FARP1: variants seen among roughly 807,000 people sequenced by gnomAD.
FARP1 encodes FERM, ARH/RhoGEF and pleckstrin domain protein 1.
A neutral mutation model predicts 128.8 loss-of-function variants in FARP1; 52 were observed. The ratio of observed to expected loss-of-function variants is 0.40; its 90% CI spans 0.32 to 0.51. The LOEUF (loss-of-function observed/expected upper bound fraction) is 0.51, where lower values mean the gene tolerates loss of function less well. Among genes scored for constraint, FARP1 ranks in the 20% least tolerant of loss-of-function variants. The pLI, the probability that FARP1 is intolerant of heterozygous loss-of-function variation, is 0.45. For synonymous variants in FARP1, 580 were observed against 551.8 expected (o/e 1.05, Z -0.72); for missense variants, 1,333 against 1,367.9 (o/e 0.97, Z 0.40).
chr13:98,433,206 AG>A (rs1369500330), intron 18 of FARP1: 1 of 152,258 alleles, frequency 6.6e-6, no homozygotes, highest in African/African-American at 2.4e-5. Context: ...ACCTAAGAGC[AG>A]AGGCCGAACA....
chr13:98,334,521 G>A (rs1242414490), intron 2 of FARP1, among the ~76,000 whole-genome samples: 3 of 152,114 alleles, frequency 2.0e-5, no homozygotes, highest in Non-Finnish European at 2.9e-5. Flanking sequence ...TATGGTCATG[G>A]TTTCATTGAA....
At chr13:98,429,263 A>AG (rs1653453980) in intron 17 of FARP1, among the ~76,000 whole-genome samples, 1 of 152,170 alleles carries the variant, frequency 6.6e-6, no homozygotes, top group African/African-American at 2.4e-5. Context: ...GGTCCTCAGC[A>AG]GGGGTCACTG....
intron 1 of FARP1, among the ~76,000 whole-genome samples, chr13:98,161,173 C>G (rs531387974): frequency 4.0e-5 from 6 of 151,148 alleles, no homozygotes; most frequent in Non-Finnish European, 5.9e-5. Context: ...ATTATACATA[C>G]GTTTTGTGAA....
intron 3 of FARP1, among the ~76,000 whole-genome samples, chr13:98,347,269 G>T (rs1465058632): frequency 6.6e-6 from 1 of 151,772 alleles, no homozygotes; most frequent in East Asian, 1.9e-4. Flanking sequence ...TTTAATTGTG[G>T]TCAAAAACAA....
chr13:98,310,287 A>G (rs1405462905), intron 2 of FARP1, among the ~76,000 whole-genome samples: 1 of 152,032 alleles, frequency 6.6e-6, no homozygotes, highest in African/African-American at 2.4e-5. Flanking sequence ...CCTTTGGTGG[A>G]GTTTCCTAAA....
intron 13 of FARP1, chr13:98,405,279 A>G (rs1182238211): frequency 6.6e-6 from 1 of 152,244 alleles, no homozygotes; most frequent in African/African-American, 2.4e-5. Context: ...CGTGTTTTAA[A>G]TTACAAAGAG....
chr13:98,225,784 T>C (rs986129007), intron 2 of FARP1, among the ~76,000 whole-genome samples: 2 of 152,224 alleles, frequency 1.3e-5, no homozygotes, highest in South Asian at 2.1e-4. Context: ...TCCAAACTTA[T>C]TTTTGCCCTC....
chr13:98,391,242 A>C (rs1413866946), intron 11 of FARP1, among the ~76,000 whole-genome samples: 1 of 152,214 alleles, frequency 6.6e-6, no homozygotes, highest in East Asian at 1.9e-4. Context: ...GTCTATGAAC[A>C]TTTTAATTAA....
At chr13:98,159,477 T>G (rs1876721739) in intron 1 of FARP1, 1 of 151,622 alleles carries the variant, frequency 6.6e-6, no homozygotes, top group Non-Finnish European at 1.5e-5. Flanking sequence ...TTGTGATTTT[T>G]TTTTTTTTTT....
chr13:98,204,959 G>A (rs544472331), intron 1 of FARP1, among the ~76,000 whole-genome samples: 39 of 150,894 alleles, frequency 2.6e-4, no homozygotes, highest in Non-Finnish European at 5.2e-4. Context: ...AAAAAAAATA[G>A]CAAAACAATT....
rs1435676526 is a variant in FARP1, at chr13:98,421,250, T to G, written c.1827-3322T>G. Among the ~76,000 whole-genome samples the G allele has an allele frequency of 2.0e-5, 3 of 152,186 alleles. No homozygotes were observed. In the East Asian group the frequency reaches 5.8e-4, roughly 29 times the overall value. ...TTCTTTTGACTTTGAAGCTTTAACA[T>G]CAGTAGATAATAAATAGTTGGCAAA... On this transcript the variant is annotated intron_variant, in intron 16 of 26. Transcript: ENST00000319562.
Position 98,396,402 on chromosome 13 carries a change from C to G in FARP1, c.1414+926C>G, listed in dbSNP as rs183622008. 313 of 399,326 alleles carry G rather than the reference C, an allele frequency of 7.8e-4. 1 individual carries two copies. Among genetic ancestry groups the G allele is most frequent in the African/African-American group, 5.9e-3 (290 of 48,778 alleles). 24.7% of individuals were successfully genotyped at this position (399,326 alleles called of 1,614,324 possible). Reference sequence around the variant, plus strand: ...ACCCCGCAGTGCTGCGTTCCCCGTCCCTGCTGAGAAGCCGGGGGTCCTTGG... The same window carrying G: ...ACCCCGCAGTGCTGCGTTCCCCGTCGCTGCTGAGAAGCCGGGGGTCCTTGG... On this transcript the variant is annotated intron_variant, in intron 13 of 26. Transcript: ENST00000319562.
chr13:98,162,897 G>C (rs1876984371), intron 1 of FARP1, among the ~76,000 whole-genome samples: 1 of 152,186 alleles, frequency 6.6e-6, no homozygotes, highest in South Asian at 2.1e-4. Flanking sequence ...TTCAACCGTT[G>C]TGGAAAGCAG....
rs892917840 is a variant in FARP1 at position 98,454,748 on chromosome 13, G to A, written c.*6431G>A. On this transcript the variant is annotated 3_prime_UTR_variant, in exon 27 of 27. Transcript: ENST00000319562. ...GGCCACCGTGGTTTTGGCAGCCATCGGGGTGAACGCTCAGTGGGAGCTTCA... is the reference window on the plus strand; with the variant it reads ...GGCCACCGTGGTTTTGGCAGCCATCAGGGTGAACGCTCAGTGGGAGCTTCA... 1 of 152,206 alleles carries A rather than the reference G, an allele frequency of 6.6e-6. No individual in the cohort carries two copies. Among genetic ancestry groups the A allele is most frequent in the Non-Finnish European group, 1.5e-5 (1 of 68,068 alleles). The allele number at this position is 152,206 out of a possible 1,614,324, so 9.4% of individuals were successfully genotyped here.
intron 12 of FARP1, among the ~76,000 whole-genome samples, chr13:98,394,134 A>AG (rs1890417858): frequency 6.6e-6 from 1 of 152,170 alleles, no homozygotes; most frequent in Non-Finnish European, 1.5e-5. Flanking sequence ...CTGGCACAGA[A>AG]CTGGTCGGCG....
chr13:98,379,189 A>AAT (rs1566935377), intron 6 of FARP1, among the ~76,000 whole-genome samples: 2 of 71,414 alleles, frequency 2.8e-5, no homozygotes, highest in African/African-American at 1.6e-4. Context: ...TAATATATAT[A>AAT]ATATATAATA....
rs147406363 is a variant in FARP1, at chr13:98,159,987, A to G, written c.-24+16495A>G. ...TGTAGTACAATTTTGTTTTCCTTCA[A>G]GGCATTTTTGGAGGTCAGTCATGGT... On this transcript the variant is annotated intron_variant, in intron 1 of 26. Coordinates refer to ENST00000319562, the MANE Select transcript of FARP1 (RefSeq NM_005766.4). Among the ~76,000 whole-genome samples, 9 of 152,242 alleles carry G rather than the reference A, an allele frequency of 5.9e-5. No homozygotes were observed. The East Asian group carries it at 1.7e-3, about 29-fold the overall frequency.
chr13:98,172,999 A>G (rs1219451451), intron 1 of FARP1, among the ~76,000 whole-genome samples: 2 of 152,210 alleles, frequency 1.3e-5, no homozygotes, highest in African/African-American at 4.8e-5. Context: ...TGTGCAGTAG[A>G]TAAGTGGGGA....
At chr13:98,334,629 C>T (rs986943493) in intron 2 of FARP1, among the ~76,000 whole-genome samples, 3 of 152,108 alleles carry the variant, frequency 2.0e-5, no homozygotes, top group Non-Finnish European at 4.4e-5. Context: ...GTACTCCCCA[C>T]CCTAATTAAT....
Sources: allele counts gnomAD v4.1 joint callset (sites outside exome capture counted in the v4.1 genomes callset), GRCh38; gene constraint gnomAD v4.1.1; transcripts MANE v1.5; gene names NCBI Gene and HGNC (gene_info 2026-07-23, HGNC 2026-07-21).